ST8SIA2: variants seen among roughly 807,000 people sequenced by gnomAD.
ST8SIA2 encodes alpha-2,8-sialyltransferase 8B.
ST8SIA2 carries 22 observed loss-of-function variants against 37.6 expected under a neutral mutation model. The observed-to-expected ratio is 0.58, with a 90% CI of 0.42 to 0.83. The LOEUF is 0.83. Among genes scored for constraint, ST8SIA2 ranks in the 40% least tolerant of loss-of-function variants. The pLI is 0.00. For missense variants in ST8SIA2, 382 were observed against 484.7 expected, an observed-to-expected ratio of 0.79 and a Z score of 1.99; for synonymous variants, 205 against 201.2, an observed-to-expected ratio of 1.02 and a Z score of -0.16.
chr15:92,432,964 T>C (rs3848156), intron 2 of ST8SIA2, among the ~76,000 whole-genome samples: 88,624 of 151,788 alleles, frequency 0.58, 26,627 homozygotes, highest in East Asian at 0.72. Context: ...AACCCCATCT[T>C]TACTAAAATA....
At chr15:92,445,419 C>T (rs1455779) in intron 5 of ST8SIA2, among the ~76,000 whole-genome samples, 93,235 of 151,920 alleles carry the variant, frequency 0.61, 30,063 homozygotes, top group African/African-American at 0.82. Flanking sequence ...AGATAATGTA[C>T]GTGAAATGCG....
chr15:92,455,671 G>T (rs1367174454), intron 5 of ST8SIA2, among the ~76,000 whole-genome samples: 1 of 152,184 alleles, frequency 6.6e-6, no homozygotes, highest in African/African-American at 2.4e-5. Context: ...GTAAGCAGAA[G>T]CCATTGGCGG....
Position 92,464,375 on chromosome 15 carries a change from G to C in ST8SIA2, c.1118G>C (p.Gly373Ala). 1 of 1,613,512 alleles carries C rather than the reference G, an allele frequency of 6.2e-7. No homozygotes were observed. Among genetic ancestry groups the C allele is most frequent in the Non-Finnish European group, 8.5e-7 (1 of 1,180,016 alleles). The change falls in exon 6 of 6, where the codon GGG (glycine) becomes GCG (alanine). Residue 373 changes from glycine to alanine, a missense_variant. Transcript: ENST00000268164. The stretch of plus-strand genomic sequence containing the variant: ...AAACTGACTGTCGGCCAGTGCGATG[G>C]GGCCACGTAGGGTGGGCACCCCATG... Reference protein sequence around the residue: ...ALKLTVGQCDGAT With the variant: ...ALKLTVGQCDAAT
chr15:92,454,282 C>T (rs1038831246), intron 5 of ST8SIA2, among the ~76,000 whole-genome samples: 4 of 152,108 alleles, frequency 2.6e-5, no homozygotes, highest in Admixed American at 1.3e-4. Flanking sequence ...TTCTTGTTCC[C>T]ATGGCCTTCT....
intron 1 of ST8SIA2, among the ~76,000 whole-genome samples, chr15:92,395,089 C>G (rs2049420840): frequency 6.6e-6 from 1 of 152,140 alleles, no homozygotes; most frequent in Admixed American, 6.5e-5. Context: ...CAGCCTTCGG[C>G]TCGCCGGGCC....
chr15:92,437,701 A>G (rs907475196), intron 3 of ST8SIA2, among the ~76,000 whole-genome samples: 5 of 151,982 alleles, frequency 3.3e-5, no homozygotes, highest in Non-Finnish European at 5.9e-5. Context: ...CCCCCCAGAA[A>G]GCCCCTTTGC....
chr15:92,416,604 A>C (rs532917158), intron 1 of ST8SIA2, among the ~76,000 whole-genome samples: 4 of 152,258 alleles, frequency 2.6e-5, no homozygotes, highest in Non-Finnish European at 5.9e-5. Context: ...CTTCAGGGTC[A>C]TGCTCAGGTC....
chr15:92,464,394 C>T lies in ST8SIA2; in HGVS notation c.*9C>T, dbSNP rs1301275372. ...GCGATGGGGCCACGTAGGGTGGGCACCCCATGGGACTCAGTGGCTCACATT... is the reference window on the plus strand; with the variant it reads ...GCGATGGGGCCACGTAGGGTGGGCATCCCATGGGACTCAGTGGCTCACATT... On this transcript the variant is annotated 3_prime_UTR_variant, in exon 6 of 6. Coordinates refer to ENST00000268164, the MANE Select transcript of ST8SIA2 (RefSeq NM_006011.4). The T allele has an allele frequency of 2.5e-6, 4 of 1,612,920 alleles. No homozygotes were observed. In the South Asian group the frequency reaches 3.3e-5, roughly 13 times the overall value.
In ST8SIA2 at chr15:92,393,982, G is replaced by C; in HGVS notation, c.-83G>C. On this transcript the variant is annotated 5_prime_UTR_variant, in exon 1 of 6. Transcript: ENST00000268164. ...TCTGCCCAGCTGCGCGCGGCGCGCGGAGGCTCCGGCGTCCGCCGCTGCGCC... is the reference window on the plus strand; with the variant it reads ...TCTGCCCAGCTGCGCGCGGCGCGCGCAGGCTCCGGCGTCCGCCGCTGCGCC... The C allele has an allele frequency of 1.0e-6, 1 of 963,830 alleles. No individual in the cohort carries two copies. Among genetic ancestry groups the C allele is most frequent in the Non-Finnish European group, 1.4e-6 (1 of 713,850 alleles). 59.7% of individuals were successfully genotyped at this position (963,830 alleles called of 1,614,324 possible). A position where few individuals can be genotyped will look rare whatever the true frequency, so the allele number is the denominator to read the frequency against.
rs12904773 is a variant in ST8SIA2 at position 92,464,938 on chromosome 15, C to G, written c.*553C>G. 0.032 allele frequency: 5,348 copies of G among 166,962 alleles called. 121 individuals carry two copies. Among genetic ancestry groups the G allele is most frequent in the Non-Finnish European group, 0.049 (3,721 of 76,586 alleles). 10.3% of individuals were successfully genotyped at this position (166,962 alleles called of 1,614,324 possible). A position where few individuals can be genotyped will look rare whatever the true frequency, so the allele number is the denominator to read the frequency against. On this transcript the variant is annotated 3_prime_UTR_variant, in exon 6 of 6. Transcript: ENST00000268164. Reference sequence around the variant, plus strand: ...GGAAACCAAGCAGCAGAGGCCCCATCAGCACAGAGGGCCTCGTTCCACGAA... The same window carrying G: ...GGAAACCAAGCAGCAGAGGCCCCATGAGCACAGAGGGCCTCGTTCCACGAA...
chr15:92,427,316 A>G (rs1404162280), intron 1 of ST8SIA2, among the ~76,000 whole-genome samples: 1 of 151,680 alleles, frequency 6.6e-6, no homozygotes, highest in Non-Finnish European at 1.5e-5. Flanking sequence ...CTCTTAAGCT[A>G]TACTCCATGA....
intron 5 of ST8SIA2, among the ~76,000 whole-genome samples, chr15:92,462,964 C>G (rs142932775): frequency 1.3e-5 from 2 of 152,206 alleles, no homozygotes; most frequent in Non-Finnish European, 2.9e-5. Flanking sequence ...GGAGAAAGTT[C>G]TAGATTTTCT....
At chr15:92,431,723 G>A (rs898170074) in intron 2 of ST8SIA2, among the ~76,000 whole-genome samples, 12 of 152,194 alleles carry the variant, frequency 7.9e-5, no homozygotes, top group African/African-American at 2.4e-4. Context: ...CCTGTGAACC[G>A]AGGTGGACCC....
At chr15:92,407,189 A>C (rs2049514676) in intron 1 of ST8SIA2, among the ~76,000 whole-genome samples, 1 of 152,176 alleles carries the variant, frequency 6.6e-6, no homozygotes, top group Non-Finnish European at 1.5e-5. Flanking sequence ...GTGACTGCTT[A>C]GGAAACAGAA....
intron 5 of ST8SIA2, among the ~76,000 whole-genome samples, chr15:92,461,699 G>C (rs1353687510): frequency 1.3e-5 from 2 of 152,238 alleles, no homozygotes; most frequent in South Asian, 4.1e-4. Flanking sequence ...CTGGAGGGTG[G>C]CACGGGCCAG....
intron 1 of ST8SIA2, among the ~76,000 whole-genome samples, chr15:92,416,770 C>T (rs944207609): frequency 6.6e-6 from 1 of 152,082 alleles, no homozygotes; most frequent in Admixed American, 6.5e-5. Flanking sequence ...ATGTGATCTT[C>T]GGATGTGCCT....
rs555848723 is a variant in ST8SIA2, at chr15:92,423,030, A to G, written c.99-7019A>G. Among the ~76,000 whole-genome samples, 5 of 152,350 alleles carry G rather than the reference A, an allele frequency of 3.3e-5. No homozygotes were observed. The South Asian group carries it at 1.0e-3, about 32-fold the overall frequency. On this transcript the variant is annotated intron_variant, in intron 1 of 5. Coordinates refer to ENST00000268164, the MANE Select transcript of ST8SIA2 (RefSeq NM_006011.4). ...AGACCTTGAAAACATATGCTAAGTG[A>G]CAGAAGCCAGACACAAAAGAACAAA...
At chr15:92,409,496 G>A (rs1165524469) in intron 1 of ST8SIA2, among the ~76,000 whole-genome samples, 3 of 149,536 alleles carry the variant, frequency 2.0e-5, no homozygotes, top group Non-Finnish European at 4.4e-5. Context: ...GTTCTGTCTG[G>A]ACTAGGTGGT....
At chr15:92,427,982 CA>C (rs1423421680) in intron 1 of ST8SIA2, among the ~76,000 whole-genome samples, 2 of 152,024 alleles carry the variant, frequency 1.3e-5, no homozygotes, top group Admixed American at 6.5e-5. Flanking sequence ...GACTCGGTCT[CA>C]AAAAAACAAA....
Sources: gnomAD v4.1 joint callset for allele counts (sites outside exome capture counted in the v4.1 genomes callset) on GRCh38, gnomAD v4.1.1 for gene constraint, MANE v1.5 for transcripts, NCBI Gene and HGNC (gene_info 2026-07-23, HGNC 2026-07-21) for gene names.